The following CYP39A1 variants were observed in gnomAD, a reference collection of about 807,000 sequenced individuals.
CYP39A1 encodes cytochrome P450 family 39 subfamily A member 1, also known as 24-hydroxycholesterol 7-alpha-hydroxylase.
In CYP39A1, 49 loss-of-function variants were observed where a neutral mutation model predicts 58.1. The observed-to-expected ratio is 0.84, with a 90% CI of 0.67 to 1.07. The LOEUF (loss-of-function observed/expected upper bound fraction) is 1.07, where lower values mean the gene tolerates loss of function less well. CYP39A1 is among the 50% of genes least tolerant of loss of function. The pLI is 0.00. For synonymous variants in CYP39A1, 209 were observed against 187.6 expected (o/e 1.11, Z -0.93); for missense variants, 531 against 539.4 (o/e 0.98, Z 0.16).
chr6:46,609,302 C>T (rs1336694721), intron 7 of CYP39A1, among the ~76,000 whole-genome samples: 2 of 151,450 alleles, frequency 1.3e-5, no homozygotes, highest in Non-Finnish European at 2.9e-5. Context: ...ACTCGGGAGG[C>T]TGAGGCAAGA....
chr6:46,553,760 C>T lies in CYP39A1; in HGVS notation c.1338+7G>A, dbSNP rs1770530515. On this transcript the variant is annotated splice_region_variant and intron_variant, in intron 11 of 11. Coordinates refer to ENST00000275016, the MANE Select transcript of CYP39A1 (RefSeq NM_016593.5). ...GTCATGATACTCAAAATTCTGAAAA[C>T]ACTTACCTGTTTGGGTAATGGGTCC... The T allele has an allele frequency of 6.3e-7, 1 of 1,588,304 alleles. No homozygotes were observed. The highest frequency in any genetic ancestry group is 1.3e-5 in the African/African-American group (1 of 74,414).
intron 10 of CYP39A1, among the ~76,000 whole-genome samples, chr6:46,556,321 CA>C (rs1770663132): frequency 6.6e-6 from 1 of 152,114 alleles, no homozygotes; most frequent in Admixed American, 6.6e-5. Context: ...ATTCAGCAGA[CA>C]GAGATCCAAG....
intron 1 of CYP39A1, among the ~76,000 whole-genome samples, chr6:46,649,986 T>C (rs1762571343): frequency 6.6e-6 from 1 of 152,156 alleles, no homozygotes; most frequent in Admixed American, 6.5e-5. Context: ...AGTAGTGTCT[T>C]ATGCAGGTGC....
At chr6:46,586,370 G>A in intron 10 of CYP39A1, 1 of 984,354 alleles carries the variant, frequency 1.0e-6, no homozygotes, top group Non-Finnish European at 1.2e-6. Flanking sequence ...CCCCAATGAA[G>A]AAATGTGACA....
intron 11 of CYP39A1, among the ~76,000 whole-genome samples, chr6:46,551,242 G>A (rs541223694): frequency 3.4e-4 from 52 of 151,814 alleles, no homozygotes; most frequent in African/African-American, 1.1e-3. Flanking sequence ...TAAGTTGCAG[G>A]GTTCCACGAA....
Position 46,652,791 on chromosome 6 carries a change from T to G in CYP39A1, c.-209A>C. ...GCTCCCTCCCACCTCCACTTCTCTT[T>G]GAATCTCAGCCAGCGCGGAAAAAAT... is the stretch of plus-strand genomic sequence containing the variant. On this transcript the variant is annotated 5_prime_UTR_variant, in exon 1 of 12. Coordinates refer to ENST00000275016, the MANE Select transcript of CYP39A1 (RefSeq NM_016593.5). 2.0e-6 allele frequency: 1 copy of G among 504,190 alleles called. No individual in the cohort carries two copies. The allele number at this position is 504,190 out of a possible 1,614,324, so 31.2% of individuals were successfully genotyped here. A position where few individuals can be genotyped will look rare whatever the true frequency, so the allele number is the denominator to read the frequency against.
chr6:46,608,581 A>G (rs1773988366), intron 7 of CYP39A1, among the ~76,000 whole-genome samples: 1 of 152,090 alleles, frequency 6.6e-6, no homozygotes, highest in African/African-American at 2.4e-5. Context: ...TATCTGAAGT[A>G]GATAATACCA....
At chr6:46,625,063 A>G (rs1483512847) in intron 7 of CYP39A1, among the ~76,000 whole-genome samples, 1 of 152,120 alleles carries the variant, frequency 6.6e-6, no homozygotes, top group African/African-American at 2.4e-5. Context: ...CTTTTATAAA[A>G]TCTGAAAAAT....
chr6:46,629,854 T>C (rs1775539968), intron 6 of CYP39A1, among the ~76,000 whole-genome samples: 2 of 152,172 alleles, frequency 1.3e-5, no homozygotes, highest in Non-Finnish European at 2.9e-5. Flanking sequence ...GAGAACCTCC[T>C]GGCCCAGGAA....
chr6:46,556,300 G>GAGTA, intron 10 of CYP39A1, among the ~76,000 whole-genome samples: 1 of 152,314 alleles, frequency 6.6e-6, no homozygotes, highest in South Asian at 2.1e-4. Flanking sequence ...ACAGGTCTGA[G>GAGTA]AGTATTATTA....
intron 7 of CYP39A1, among the ~76,000 whole-genome samples, chr6:46,616,355 T>G (rs1278168502): frequency 1.3e-5 from 2 of 149,786 alleles, no homozygotes; most frequent in South Asian, 2.1e-4. Context: ...ATTCCTGGAC[T>G]CAGGTCAATC....
chr6:46,637,992 AAC>A lies in CYP39A1; in HGVS notation c.489-16_489-15del. 1 of 1,584,946 alleles carries A rather than the reference AAC, an allele frequency of 6.3e-7. No individual in the cohort carries two copies. Among genetic ancestry groups the A allele is most frequent in the Non-Finnish European group, 8.5e-7 (1 of 1,172,176 alleles). ...TAAAGGAGATGTCTACAAAGACAGA[AAC>A]ACACAAAAAGTCAGACCCGAAGACC... On this transcript the variant is annotated splice_polypyrimidine_tract_variant and intron_variant, in intron 3 of 11. Transcript: ENST00000275016.
intron 10 of CYP39A1, among the ~76,000 whole-genome samples, chr6:46,555,250 C>G (rs960110921): frequency 6.6e-6 from 1 of 152,202 alleles, no homozygotes; most frequent in Non-Finnish European, 1.5e-5. Context: ...CTTTCCCTTT[C>G]TGAGGCTCAA....
rs149088029 is a variant in CYP39A1, at chr6:46,615,399, G to T, written c.931+10019C>A. On this transcript the variant is annotated intron_variant, in intron 7 of 11. Coordinates refer to ENST00000275016, the MANE Select transcript of CYP39A1 (RefSeq NM_016593.5). ...TCTATTCCCAGGCTAGTGACCCCTC[G>T]CTTAAAGACTCTATAAAAGCAGACT... is the stretch of plus-strand genomic sequence containing the variant. Among the ~76,000 whole-genome samples, 312 of 151,560 alleles carry T rather than the reference G, an allele frequency of 2.1e-3. 2 individuals are homozygous for T. Among genetic ancestry groups the T allele is most frequent in the African/African-American group, 7.4e-3 (306 of 41,314 alleles).
At chr6:46,550,795 A>T (rs997551569) in intron 11 of CYP39A1, among the ~76,000 whole-genome samples, 34 of 152,300 alleles carry the variant, frequency 2.2e-4, no homozygotes, top group African/African-American at 8.2e-4. Context: ...GCTGAGTGAG[A>T]TCTCCATACT....
At chr6:46,638,614 A>C (rs996003810) in intron 3 of CYP39A1, among the ~76,000 whole-genome samples, 3 of 152,224 alleles carry the variant, frequency 2.0e-5, no homozygotes, top group Non-Finnish European at 2.9e-5. Flanking sequence ...AGTTTTAAAA[A>C]TATCCAAGAA....
chr6:46,596,255 G>T, intron 7 of CYP39A1, 135 bp from the exon 8 acceptor site: 1 of 569,988 alleles, frequency 1.8e-6, no homozygotes, highest in Non-Finnish European at 2.9e-6. Flanking sequence ...CCTATTACAG[G>T]TTTAGTCATT....
intron 8 of CYP39A1, among the ~76,000 whole-genome samples, chr6:46,589,668 A>G (rs80131960): frequency 1.0e-3 from 157 of 152,152 alleles, no homozygotes; most frequent in African/African-American, 2.3e-3. Context: ...ATCATTTTAA[A>G]ATAGAGAGAC....
intron 7 of CYP39A1, among the ~76,000 whole-genome samples, chr6:46,607,600 TCCATG>T: frequency 6.6e-6 from 1 of 152,170 alleles, no homozygotes; most frequent in African/African-American, 2.4e-5. Flanking sequence ...GGGGAAATAA[TCCATG>T]TTTTGCCAGA....
Sources: gnomAD v4.1 joint callset for allele counts (sites outside exome capture counted in the v4.1 genomes callset) on GRCh38, gnomAD v4.1.1 for gene constraint, MANE v1.5 for transcripts, NCBI Gene and HGNC (gene_info 2026-07-23, HGNC 2026-07-21) for gene names.